Variants in DNAH6 observed in about 807,000 individuals in gnomAD.
DNAH6 encodes dynein axonemal heavy chain 6.
Under a neutral mutation model 491.4 loss-of-function variants are expected in DNAH6, and 340 were observed. The observed-to-expected ratio is 0.69, with a 90% CI of 0.63 to 0.76. The LOEUF is 0.76. Ranked by LOEUF, DNAH6 falls within the 30% of genes least tolerant of loss-of-function variation. DNAH6 has a pLI of 0.00. For missense variants in DNAH6, 4,443 were observed against 4,972.2 expected, an observed-to-expected ratio of 0.89 and a Z score of 3.20; for synonymous variants, 1,603 against 1,686.1, an observed-to-expected ratio of 0.95 and a Z score of 1.21.
intron 23 of DNAH6, 111 bp downstream of exon 23, chr2:84,617,093 A>G (rs929305241): frequency 8.3e-6 from 5 of 603,866 alleles, no homozygotes; most frequent in Non-Finnish European, 1.4e-5. Flanking sequence ...GAAACAAAAA[A>G]GATCTACGAT....
In DNAH6 at chr2:84,703,489, T is replaced by C; in HGVS notation, c.8156T>C (p.Val2719Ala). 1 of 1,551,536 alleles carries C rather than the reference T, an allele frequency of 6.4e-7. No individual in the cohort carries two copies. The highest frequency in any genetic ancestry group is 1.2e-5 in the South Asian group (1 of 84,014). ...CTAGATCTTTCAGCTTTAGAGCCTGTACTTTTAGCAAAATCAGAAGATGTT... is the reference window on the plus strand; with the variant it reads ...CTAGATCTTTCAGCTTTAGAGCCTGCACTTTTAGCAAAATCAGAAGATGTT... ...MKLDLSALEP[V>A]LLAKSEDVEA... The change falls in exon 50 of 77, where the codon GTA becomes GCA. Residue 2719 changes from valine (V) to alanine (A), a missense_variant. Physicochemically the swap from Val to Ala is moderately conservative, Grantham distance 64. Coordinates refer to ENST00000389394, the MANE Select transcript of DNAH6 (RefSeq NM_001370.2).
intron 46 of DNAH6, among the ~76,000 whole-genome samples, chr2:84,696,767 A>T (rs1695435923): frequency 6.6e-6 from 1 of 152,100 alleles, no homozygotes; most frequent in East Asian, 1.9e-4. Context: ...TAAACGAGAG[A>T]TTGCTTTTAA....
intron 65 of DNAH6, among the ~76,000 whole-genome samples, chr2:84,782,542 T>C (rs1014926228): frequency 2.0e-5 from 3 of 152,154 alleles, no homozygotes; most frequent in African/African-American, 7.2e-5. Flanking sequence ...CAGCTCAGGG[T>C]TTAGCAGCCT....
At chr2:84,751,848 C>A (rs1394948843) in intron 63 of DNAH6, among the ~76,000 whole-genome samples, 1 of 152,210 alleles carries the variant, frequency 6.6e-6, no homozygotes. Context: ...GGCTAAAGAC[C>A]AAGAACCTGC....
intron 15 of DNAH6, chr2:84,584,989 G>T (rs575740276): frequency 2.0e-5 from 3 of 152,144 alleles, no homozygotes; most frequent in South Asian, 4.2e-4. Context: ...AAAAATATAG[G>T]GTACATTGAC....
the DNAH6 span, among the ~76,000 whole-genome samples, chr2:84,465,037 C>T: frequency 6.6e-6 from 1 of 152,108 alleles, no homozygotes; most frequent in African/African-American, 2.4e-5. Flanking sequence ...TCTCTAACTT[C>T]TTCAGGCTGA....
intron 21 of DNAH6, 68 bp from the exon 22 acceptor site, chr2:84,611,605 AT>A: frequency 7.5e-7 from 1 of 1,340,246 alleles, no homozygotes; most frequent in Admixed American, 2.1e-5. Flanking sequence ...CTGTGTCATG[AT>A]TTTTACTGTA....
intron 37 of DNAH6, among the ~76,000 whole-genome samples, chr2:84,663,835 G>A (rs1245266345): frequency 2.0e-5 from 3 of 152,070 alleles, no homozygotes; most frequent in South Asian, 4.2e-4. Flanking sequence ...AAATATTAAG[G>A]GCAGCTAGAG....
chr2:84,517,970 A>G lies in DNAH6; in HGVS notation c.144A>G (p.Thr48=). The G allele has an allele frequency of 6.4e-7, 1 of 1,552,072 alleles. No homozygotes were observed. Among genetic ancestry groups the G allele is most frequent in the Admixed American group, 2.0e-5 (1 of 51,008 alleles). Reference sequence around the variant, plus strand: ...CATCCACAGAAAATGAATCTGATACACAAATCCTAACGTTTAGGCACATTA... The same window carrying G: ...CATCCACAGAAAATGAATCTGATACGCAAATCCTAACGTTTAGGCACATTA... The part of the protein sequence containing the change: ...YVTSTENESD[T]QILTFRHITK... The change falls in exon 2 of 77, where the codon ACA becomes ACG. Residue 48 remains threonine, a synonymous_variant. Coordinates refer to ENST00000389394, the MANE Select transcript of DNAH6 (RefSeq NM_001370.2).
At chr2:84,764,818 A>G (rs1004907946) in intron 64 of DNAH6, among the ~76,000 whole-genome samples, 6 of 152,072 alleles carry the variant, frequency 3.9e-5, no homozygotes, top group African/African-American at 7.2e-5. Flanking sequence ...CCTTTATCCA[A>G]TCCACTGTTG....
intron 2 of DNAH6, among the ~76,000 whole-genome samples, chr2:84,523,710 A>G (rs1281178592): frequency 2.0e-5 from 3 of 152,064 alleles, no homozygotes; most frequent in Admixed American, 6.6e-5. Context: ...TTCATTATTT[A>G]CCCAAAATTC....
chr2:84,771,088 A>G (rs747300503), intron 64 of DNAH6, among the ~76,000 whole-genome samples: 4 of 152,110 alleles, frequency 2.6e-5, no homozygotes, highest in Non-Finnish European at 5.9e-5. Context: ...CAGGAGTTTG[A>G]GACCAGCTTG....
At chr2:84,685,806 A>T (rs1478692622) in intron 43 of DNAH6, among the ~76,000 whole-genome samples, 1 of 152,046 alleles carries the variant, frequency 6.6e-6, no homozygotes, top group African/African-American at 2.4e-5. Flanking sequence ...CAAAATAAAT[A>T]AGTAAATTCA....
chr2:84,583,275 C>T (rs993036943), intron 14 of DNAH6, among the ~76,000 whole-genome samples: 1 of 152,212 alleles, frequency 6.6e-6, no homozygotes, highest in African/African-American at 2.4e-5. Flanking sequence ...GGGATGATCA[C>T]TGCCCATCAC....
chr2:84,642,254 T>C (rs972695114), intron 33 of DNAH6, among the ~76,000 whole-genome samples, 200 bp downstream of exon 33: 1 of 152,224 alleles, frequency 6.6e-6, no homozygotes, highest in Non-Finnish European at 1.5e-5. Context: ...TGTGTTTTTT[T>C]ATCAAAATAT....
chr2:84,642,670 T>G (rs927737861), intron 33 of DNAH6, among the ~76,000 whole-genome samples: 1 of 152,146 alleles, frequency 6.6e-6, no homozygotes, highest in African/African-American at 2.4e-5. Context: ...CATTTACAAC[T>G]AATCTAAGCC....
At chr2:84,619,555 G>A (rs1687201290) in intron 23 of DNAH6, 130 bp from the exon 24 acceptor site, 1 of 769,420 alleles carries the variant, frequency 1.3e-6, no homozygotes, top group Non-Finnish European at 2.1e-6. Context: ...AGAAACCCAT[G>A]ACCAGTATAA....
rs767154293 is a variant in DNAH6, at chr2:84,525,579, C to T, written c.240C>T (p.Val80=). The T allele has an allele frequency of 2.6e-6, 4 of 1,545,074 alleles. No homozygotes were observed. Among genetic ancestry groups the T allele is most frequent in the East Asian group, 4.9e-5 (2 of 40,752 alleles). ...IKLEPLPVLK[V]YQDHKQPEYI... ...ATTTCCCAAAGCCAGTGCTAAAAGT[C>T]TACCAAGATCATAAGCAGCCAGAAT... Residue 80 remains valine, a synonymous_variant, in exon 3 of 77, where the codon GTC becomes GTT. Transcript: ENST00000389394.
In DNAH6 at chr2:84,807,680, C is replaced by T. The variant is rs148148816; in HGVS notation, c.11612-735C>T. ...GAATGTTCCTTGTCTGCCAGGCAAC[C>T]GCTTCATCCTGCTAGCATTTACCAC... On this transcript the variant is annotated intron_variant, in intron 71 of 76. Transcript: ENST00000389394. Among the ~76,000 whole-genome samples, 634 of 152,256 alleles carry T rather than the reference C, an allele frequency of 4.2e-3. 1 individual carries two copies. Among genetic ancestry groups the T allele is most frequent in the African/African-American group, 0.013 (548 of 41,532 alleles).
Sources: allele counts gnomAD v4.1 joint callset (sites outside exome capture counted in the v4.1 genomes callset), GRCh38; gene constraint gnomAD v4.1.1; transcripts MANE v1.5; gene names NCBI Gene and HGNC (gene_info 2026-07-23, HGNC 2026-07-21).